Variants in KANK1 observed in about 807,000 individuals in gnomAD.
The protein encoded by KANK1 is KN motif and ankyrin repeat domains 1.
In KANK1, 109 loss-of-function variants were observed where a neutral mutation model predicts 106.2. The observed-to-expected ratio is 1.03, with a 90% confidence interval of 0.88 to 1.20. KANK1 has a LOEUF of 1.20. Among genes scored for constraint, KANK1 ranks in the 50% most tolerant of loss-of-function variants. KANK1 has a pLI of 0.00. For synonymous variants in KANK1, 873 were observed against 652.2 expected, an observed-to-expected ratio of 1.34 and a Z score of -5.16; for missense variants, 2,399 against 1,710.7, an observed-to-expected ratio of 1.40 and a Z score of -7.10.
At chr9:569,484 A>AT (rs1338830549) in intron 1 of KANK1, among the ~76,000 whole-genome samples, 1 of 152,130 alleles carries the variant, frequency 6.6e-6, no homozygotes, top group African/African-American at 2.4e-5. Flanking sequence ...TCACCATGTG[A>AT]TTCCCTGTGC....
chr9:744,589 G>T lies in KANK1; in HGVS notation c.3996G>T (p.Pro1332=). The T allele has an allele frequency of 6.2e-7, 1 of 1,614,062 alleles. No homozygotes were observed. The highest frequency in any genetic ancestry group is 8.5e-7 in the Non-Finnish European group (1 of 1,179,998). ...AHVNFAKAQS[P]GTPRLGRKTS... ...TCAACTTTGCAAAAGCCCAGTCTCC[G>T]GTCAGTGTTGTGCATTTGGCATTTG... The change falls in exon 11 of 12, where the codon CCG becomes CCT. Residue 1332 remains proline, a splice_region_variant and synonymous_variant. Transcript: ENST00000382297.
At chr9:590,108 C>A (rs1025284454) in intron 1 of KANK1, among the ~76,000 whole-genome samples, 5 of 152,096 alleles carry the variant, frequency 3.3e-5, no homozygotes, top group Admixed American at 2.0e-4. Flanking sequence ...TTCCAAATAC[C>A]AAAGCAGCTG....
intron 1 of KANK1, among the ~76,000 whole-genome samples, chr9:534,384 C>T (rs752800355): frequency 2.6e-5 from 4 of 152,102 alleles, no homozygotes; most frequent in Non-Finnish European, 5.9e-5. Flanking sequence ...GCTGGGGAGG[C>T]TGTGGATTTC....
chr9:727,195 G>A (rs1030527876), intron 3 of KANK1, among the ~76,000 whole-genome samples: 2 of 152,066 alleles, frequency 1.3e-5, no homozygotes, highest in Non-Finnish European at 2.9e-5. Flanking sequence ...ATAGCCTTCT[G>A]TGTCTTTTTG....
At chr9:674,700 T>A (rs889647115) in intron 1 of KANK1, among the ~76,000 whole-genome samples, 1 of 152,042 alleles carries the variant, frequency 6.6e-6, no homozygotes, top group African/African-American at 2.4e-5. Flanking sequence ...ACAGAAGGGG[T>A]CTAAATTTTT....
intron 4 of KANK1, chr9:730,481 C>T (rs972689122): frequency 4.1e-6 from 2 of 489,776 alleles, no homozygotes; most frequent in South Asian, 2.1e-5. Context: ...CATTTGAGGC[C>T]AGGAGTTCGA....
intron 1 of KANK1, among the ~76,000 whole-genome samples, chr9:596,826 C>T (rs1389563): frequency 0.33 from 49,567 of 151,566 alleles, 10,555 homozygotes; most frequent in South Asian, 0.55. Context: ...TGTGTAGCTG[C>T]CACCTCTCTC....
At chr9:660,415 A>C (rs994274736) in intron 1 of KANK1, 1 of 157,948 alleles carries the variant, frequency 6.3e-6, no homozygotes, top group African/African-American at 2.4e-5. Flanking sequence ...TAAAAACCTC[A>C]CAGCTTTGTA....
intron 3 of KANK1, among the ~76,000 whole-genome samples, chr9:479,701 G>C (rs1384698014): frequency 2.6e-5 from 4 of 152,222 alleles, no homozygotes; most frequent in African/African-American, 9.6e-5. Flanking sequence ...ACAGCTGAAG[G>C]AGAAGAGAAA....
intron 1 of KANK1, among the ~76,000 whole-genome samples, chr9:546,744 C>T (rs1053072748): frequency 2.7e-5 from 4 of 145,944 alleles, no homozygotes; most frequent in East Asian, 2.1e-4. Context: ...CACTGTAAAA[C>T]ATCTGTATTT....
At chr9:574,274 G>A (rs534104735) in intron 1 of KANK1, among the ~76,000 whole-genome samples, 1 of 152,332 alleles carries the variant, frequency 6.6e-6, no homozygotes, top group South Asian at 2.1e-4. Context: ...GGTCTTTACT[G>A]AAATACCAGA....
At chr9:606,579 T>C (rs1203177052) in intron 1 of KANK1, among the ~76,000 whole-genome samples, 4 of 117,690 alleles carry the variant, frequency 3.4e-5, no homozygotes, top group African/African-American at 8.2e-5. Context: ...TATGTGTGTG[T>C]TTTATAAACC....
chr9:471,042 C>G (rs1377856547), intron 2 of KANK1: 1 of 152,214 alleles, frequency 6.6e-6, no homozygotes, highest in Non-Finnish European at 1.5e-5. Context: ...TCATAGAACA[C>G]TAGATTGCAT....
chr9:597,686 C>CA (rs1563832238), intron 1 of KANK1, among the ~76,000 whole-genome samples: 1 of 150,806 alleles, frequency 6.6e-6, no homozygotes, highest in African/African-American at 2.5e-5. Context: ...TTTTTTTAGA[C>CA]AGAGTCTTGC....
At chr9:480,747 G>A (rs1001042435) in intron 3 of KANK1, among the ~76,000 whole-genome samples, 5 of 152,164 alleles carry the variant, frequency 3.3e-5, no homozygotes, top group Non-Finnish European at 4.4e-5. Context: ...TATTAGAGAC[G>A]TTGTGGGGAA....
intron 1 of KANK1, among the ~76,000 whole-genome samples, chr9:674,924 C>G (rs1816074884): frequency 6.6e-6 from 1 of 152,074 alleles, no homozygotes; most frequent in Admixed American, 6.5e-5. Flanking sequence ...AGGCTGGTCT[C>G]AAACTCCTGA....
At chr9:502,418 G>T (rs570709377), upstream of KANK1, among the ~76,000 whole-genome samples, 1 of 152,198 alleles carries the variant, frequency 6.6e-6, no homozygotes, top group African/African-American at 2.4e-5. Flanking sequence ...CCATACTTTT[G>T]ATTGATTCGT....
rs1361609005 is a variant in KANK1, at chr9:653,341, G to A, written c.-83-23549G>A. 4.6e-5 allele frequency among the ~76,000 whole-genome samples: 7 copies of A among 152,208 alleles called. No individual in the cohort carries two copies. The East Asian group carries it at 1.2e-3, about 25-fold the overall frequency. On this transcript the variant is annotated intron_variant, in intron 1 of 11. Transcript: ENST00000382297. ...GTGCTACTACTTTGCTTGTCTCCAA[G>A]CTCTGCTCTGGTGGATGAGTCTCCA...
At chr9:667,314 C>CT (rs1844864394) in intron 1 of KANK1, among the ~76,000 whole-genome samples, 2 of 151,656 alleles carry the variant, frequency 1.3e-5, no homozygotes, top group African/African-American at 4.8e-5. Context: ...TGGGTCCTCT[C>CT]TTTTTAGTTA....
Sources: allele counts gnomAD v4.1 joint callset (sites outside exome capture counted in the v4.1 genomes callset), GRCh38; gene constraint gnomAD v4.1.1; transcripts MANE v1.5; gene names NCBI Gene and HGNC (gene_info 2026-07-23, HGNC 2026-07-21).